RABGAP1L: variants seen among roughly 807,000 people sequenced by gnomAD.
RABGAP1L encodes RAB GTPase activating protein 1 like.
RABGAP1L carries 63 observed loss-of-function variants against 137.7 expected under a neutral mutation model. The observed-to-expected ratio is 0.46, with a 90% CI of 0.37 to 0.56. RABGAP1L has a LOEUF of 0.56. Among genes scored for constraint, RABGAP1L ranks in the 20% least tolerant of loss-of-function variants. The pLI, the probability that RABGAP1L is intolerant of heterozygous loss-of-function variation, is 0.00. For missense variants in RABGAP1L, 1,095 were observed against 1,244.0 expected, an observed-to-expected ratio of 0.88 and a Z score of 1.80; for synonymous variants, 431 against 433.7, an observed-to-expected ratio of 0.99 and a Z score of 0.08.
rs574234810 is a variant in RABGAP1L at position 174,228,956 on chromosome 1, ATGGATGCTCTCTAACCACAAT to A, written c.332-2184_332-2164del. Among the ~76,000 whole-genome samples the A allele has an allele frequency of 3.3e-5, 5 of 152,214 alleles. No homozygotes were observed. In the South Asian group the frequency reaches 1.0e-3, roughly 32 times the overall value. ...ATGTTATACTACCTGATACACGGAG[ATGGATGCTCTCTAACCACAAT>A]TGGACCTTTGCTGCCTGCTGTTCTT... On this transcript the variant is annotated intron_variant, in intron 3 of 25. Transcript: ENST00000681986.
At position 174,683,551 on chromosome 1, in the gene RABGAP1L, G is replaced by A. The variant is rs368229419; in HGVS notation, c.1854G>A (p.Gly618=). ...KAYSVYDEDI[G]YCQGQSFLAA... Reference sequence around the variant, plus strand: ...ACTCTGTGTATGATGAAGACATTGGGTACTGTCAAGGGCAGTCTTTTCTTG... The same window carrying A: ...ACTCTGTGTATGATGAAGACATTGGATACTGTCAAGGGCAGTCTTTTCTTG... Residue 618 remains glycine (G), a synonymous_variant, in exon 15 of 26, where the codon GGG becomes GGA. Transcript: ENST00000681986. 3 of 1,607,460 alleles carry A rather than the reference G, an allele frequency of 1.9e-6. No individual in the cohort carries two copies. Among genetic ancestry groups the A allele is most frequent in the African/African-American group, 1.3e-5 (1 of 74,676 alleles).
At chr1:174,873,304 C>T (rs1004126717) in intron 19 of RABGAP1L, among the ~76,000 whole-genome samples, 26 of 151,354 alleles carry the variant, frequency 1.7e-4, no homozygotes, top group African/African-American at 4.8e-4. Flanking sequence ...CTCCTGACCT[C>T]GTGATCCACC....
chr1:174,349,974 C>G (rs1168381608), intron 11 of RABGAP1L, among the ~76,000 whole-genome samples: 3 of 127,548 alleles, frequency 2.4e-5, no homozygotes, highest in African/African-American at 8.6e-5. Context: ...ACCCCCCCAT[C>G]TCCCTCCCGG....
intron 1 of RABGAP1L, among the ~76,000 whole-genome samples, chr1:174,188,206 G>A (rs963987578): frequency 6.6e-6 from 1 of 152,122 alleles, no homozygotes; most frequent in East Asian, 1.9e-4. Context: ...TAGCTGTAAA[G>A]TGGATTTGGA....
Position 174,392,626 on chromosome 1 carries a change from G to A in RABGAP1L, c.1560-1369G>A, listed in dbSNP as rs530296154. On this transcript the variant is annotated intron_variant, in intron 12 of 25. Coordinates refer to ENST00000681986, the MANE Select transcript of RABGAP1L (RefSeq NM_001366446.1). ...TTTACTTGAACTTGTTTCAGTTGTG[G>A]AAGTTTTAGTTTTTTTCTGAGATAG... Among the ~76,000 whole-genome samples, 5 of 152,282 alleles carry A rather than the reference G, an allele frequency of 3.3e-5. No individual in the cohort carries two copies. The South Asian group carries it at 1.0e-3, about 32-fold the overall frequency.
rs1041480364 is a variant in RABGAP1L at position 174,875,470 on chromosome 1, G to A, written c.2340+63510G>A. On this transcript the variant is annotated intron_variant, in intron 19 of 25. Transcript: ENST00000681986. The stretch of plus-strand genomic sequence containing the variant: ...TGGGTGGTTGCCAGCAGGGAGTAAG[G>A]CATTGTGGGAAGTACTTTCTTTACC... The A allele has an allele frequency of 4.2e-6, 4 of 956,316 alleles. No homozygotes were observed. The African/African-American group carries it at 5.3e-5, about 13-fold the overall frequency. The allele number at this position is 956,316 out of a possible 1,614,324, so 59.2% of individuals were successfully genotyped here. A position where few individuals can be genotyped will look rare whatever the true frequency, so the allele number is the denominator to read the frequency against.
intron 13 of RABGAP1L, among the ~76,000 whole-genome samples, chr1:174,518,534 T>C (rs1229670176): frequency 6.6e-6 from 1 of 152,186 alleles, no homozygotes; most frequent in African/African-American, 2.4e-5. Context: ...CAATCACTGG[T>C]TGATTGAATT....
At chr1:174,877,734 A>G in intron 19 of RABGAP1L, 2 of 896,674 alleles carry the variant, frequency 2.2e-6, no homozygotes. Flanking sequence ...TCAAAGATTT[A>G]TTTACATAAT....
chr1:174,202,034 T>C (rs1668146889), intron 1 of RABGAP1L, among the ~76,000 whole-genome samples: 2 of 152,188 alleles, frequency 1.3e-5, no homozygotes, highest in South Asian at 4.1e-4. Context: ...CCACATTTTC[T>C]TAACCCAGTC....
intron 18 of RABGAP1L, among the ~76,000 whole-genome samples, chr1:174,809,751 C>A (rs1360523409): frequency 6.6e-6 from 1 of 152,212 alleles, no homozygotes; most frequent in African/African-American, 2.4e-5. Flanking sequence ...ATCATCAGAA[C>A]TGGTATTACA....
At chr1:174,548,452 T>C (rs1185127548) in intron 13 of RABGAP1L, 2 of 933,432 alleles carry the variant, frequency 2.1e-6, no homozygotes, top group Non-Finnish European at 1.3e-6. Context: ...GGATATATCA[T>C]ATTATATGCC....
intron 11 of RABGAP1L, among the ~76,000 whole-genome samples, chr1:174,321,545 G>A (rs12091076): frequency 0.23 from 34,217 of 151,980 alleles, 4,097 homozygotes; most frequent in Admixed American, 0.25. Flanking sequence ...CGGCCAACAC[G>A]TAGGGAAATA....
rs71563251 is a variant in RABGAP1L, at chr1:174,176,713, G to GAAAAAAAA, written c.-34+17082_-34+17089dup. Among the ~76,000 whole-genome samples the GAAAAAAAA allele has an allele frequency of 4.4e-3, 94 of 21,548 alleles. 15 individuals are homozygous for GAAAAAAAA. The highest frequency in any genetic ancestry group is 0.013 in the African/African-American group (87 of 6,934). 14.1% of individuals were successfully genotyped at this position (21,548 alleles called of 152,430 possible). A position where few individuals can be genotyped will look rare whatever the true frequency, so the allele number is the denominator to read the frequency against. On this transcript the variant is annotated intron_variant, in intron 1 of 25. Transcript: ENST00000681986. ...GACAACAGAGGGAGACCCTTTTTCA[G>GAAAAAAAA]AAAAAAAAAAAAAAAAAAAAAAAAA... is the stretch of plus-strand genomic sequence containing the variant.
intron 19 of RABGAP1L, among the ~76,000 whole-genome samples, chr1:174,819,958 GA>G (rs1176671756): frequency 1.3e-5 from 2 of 152,134 alleles, no homozygotes; most frequent in Non-Finnish European, 2.9e-5. Context: ...TGGTGAGGAA[GA>G]AATTGAGGAT....
intron 18 of RABGAP1L, among the ~76,000 whole-genome samples, chr1:174,778,463 A>C (rs1686706751): frequency 6.6e-6 from 1 of 152,198 alleles, no homozygotes. Flanking sequence ...AGAATTGGGG[A>C]GCGTGGCAAA....
chr1:174,879,625 T>G (rs1488346059), intron 19 of RABGAP1L, among the ~76,000 whole-genome samples: 1 of 152,152 alleles, frequency 6.6e-6, no homozygotes, highest in Non-Finnish European at 1.5e-5. Context: ...ACCAGTAGAT[T>G]ATGTGTTGAT....
At chr1:174,702,091 A>T in intron 16 of RABGAP1L, 22 bp from the exon 17 acceptor site, 1 of 1,601,588 alleles carries the variant, frequency 6.2e-7, no homozygotes, top group Non-Finnish European at 8.5e-7. Flanking sequence ...ATTGCTCCTA[A>T]ATTTTCCACT....
chr1:174,901,785 A>C (rs1252832432), intron 19 of RABGAP1L, among the ~76,000 whole-genome samples: 1 of 152,194 alleles, frequency 6.6e-6, no homozygotes, highest in African/African-American at 2.4e-5. Flanking sequence ...GCATTTTTGC[A>C]TTGATCGTTT....
chr1:174,554,609 A>G (rs77427265), intron 13 of RABGAP1L, among the ~76,000 whole-genome samples: 3,202 of 152,304 alleles, frequency 0.021, 119 homozygotes, highest in African/African-American at 0.074. Context: ...CACTATAATT[A>G]CGTGTTGTAT....
Sources: gnomAD v4.1 joint callset for allele counts (sites outside exome capture counted in the v4.1 genomes callset) on GRCh38, gnomAD v4.1.1 for gene constraint, MANE v1.5 for transcripts, NCBI Gene and HGNC (gene_info 2026-07-23, HGNC 2026-07-21) for gene names.